SHTN1: variants seen among roughly 807,000 people sequenced by gnomAD.
SHTN1 encodes shootin-1.
In SHTN1, 42 loss-of-function variants were observed where a neutral mutation model predicts 83.1. The ratio of observed to expected loss-of-function variants is 0.51; its 90% confidence interval spans 0.39 to 0.65. SHTN1 has a LOEUF of 0.65. Among genes scored for constraint, SHTN1 ranks in the 30% least tolerant of loss-of-function variants. The pLI, the probability that SHTN1 is intolerant of heterozygous loss-of-function variation, is 0.00. For synonymous variants in SHTN1, 224 were observed against 247.7 expected (o/e 0.90, Z 0.90); for missense variants, 622 against 737.8 (o/e 0.84, Z 1.82).
At chr10:116,909,136 G>T (rs1218159119) in intron 14 of SHTN1, among the ~76,000 whole-genome samples, 3 of 152,174 alleles carry the variant, frequency 2.0e-5, no homozygotes, top group Non-Finnish European at 4.4e-5. Flanking sequence ...CAAATTCAGT[G>T]AGCCTCAGGG....
At chr10:116,968,525 T>C (rs1327451237) in intron 3 of SHTN1, 127 bp downstream of exon 3, 5 of 618,432 alleles carry the variant, frequency 8.1e-6, no homozygotes, top group Non-Finnish European at 1.4e-5. Context: ...TTTGGACAAA[T>C]AGAAAGAAGT....
At chr10:116,907,084 A>G (rs1412395282) in intron 14 of SHTN1, among the ~76,000 whole-genome samples, 1 of 152,078 alleles carries the variant, frequency 6.6e-6, no homozygotes, top group Admixed American at 6.5e-5. Context: ...CTGGGTGGAG[A>G]AGAGAATTGA....
intron 1 of SHTN1, among the ~76,000 whole-genome samples, chr10:117,107,885 G>A (rs1853695729): frequency 6.6e-6 from 1 of 152,176 alleles, no homozygotes; most frequent in Admixed American, 6.5e-5. Flanking sequence ...GAGTGCAGTG[G>A]TGTGATCACA....
chr10:117,042,097 A>C (rs776849287), intron 2 of SHTN1, among the ~76,000 whole-genome samples: 1 of 152,198 alleles, frequency 6.6e-6, no homozygotes, highest in Non-Finnish European at 1.5e-5. Flanking sequence ...AAGGGAAAGC[A>C]AAAGTGCATT....
chr10:116,963,040 T>G (rs1383572752), intron 3 of SHTN1, among the ~76,000 whole-genome samples: 9 of 6,480 alleles, frequency 1.4e-3, no homozygotes, highest in Non-Finnish European at 2.5e-3. Context: ...TAAAAGTTTT[T>G]TTTTTTTTTT....
intron 1 of SHTN1, among the ~76,000 whole-genome samples, chr10:117,053,462 G>T (rs1044542194): frequency 1.3e-5 from 2 of 152,112 alleles, no homozygotes; most frequent in African/African-American, 4.8e-5. Flanking sequence ...GACTTGAATA[G>T]ATGTTTCTCC....
chr10:116,996,179 A>G (rs1851620136), intron 1 of SHTN1, among the ~76,000 whole-genome samples: 2 of 152,190 alleles, frequency 1.3e-5, no homozygotes, highest in African/African-American at 2.4e-5. Flanking sequence ...ATATTTTCAG[A>G]AAAATAATAG....
intron 2 of SHTN1, among the ~76,000 whole-genome samples, chr10:117,011,496 C>A (rs1852102837): frequency 6.6e-6 from 1 of 152,090 alleles, no homozygotes; most frequent in Admixed American, 6.6e-5. Flanking sequence ...TCATAGATGG[C>A]AAAATTTCCT....
At chr10:117,022,839 T>TGAAGG (rs1852283238) in intron 2 of SHTN1, among the ~76,000 whole-genome samples, 1 of 152,112 alleles carries the variant, frequency 6.6e-6, no homozygotes, top group African/African-American at 2.4e-5. Flanking sequence ...GAGAATCACT[T>TGAAGG]GAAGGGAAGG....
intron 1 of SHTN1, among the ~76,000 whole-genome samples, chr10:116,994,337 G>A (rs1001325860): frequency 1.3e-5 from 2 of 152,048 alleles, no homozygotes; most frequent in Admixed American, 6.6e-5. Context: ...GTCTTGTATG[G>A]TTAAACTAAC....
At chr10:117,016,438 G>A (rs888383674) in intron 2 of SHTN1, among the ~76,000 whole-genome samples, 9 of 152,114 alleles carry the variant, frequency 5.9e-5, no homozygotes, top group South Asian at 2.1e-4. Flanking sequence ...ACTGAGTCTC[G>A]CTCTGTCACC....
Position 116,967,615 on chromosome 10 carries a change from T to A in SHTN1, c.172+1037A>T, listed in dbSNP as rs537672374. 7.3e-4 allele frequency among the ~76,000 whole-genome samples: 111 copies of A among 152,186 alleles called. 2 individuals are homozygous for A. In the South Asian group the frequency reaches 0.022, roughly 30 times the overall value. On this transcript the variant is annotated intron_variant, in intron 3 of 16. Transcript: ENST00000355371. ...TTACTTATTTTCTTTTGTAGTAACA[T>A]CACGTAACGTAAGATCTACCCTCTT... is the stretch of plus-strand genomic sequence containing the variant.
Position 117,002,176 on chromosome 10 carries a change from C to A in SHTN1, c.58+2846G>T, listed in dbSNP as rs369890260. Among the ~76,000 whole-genome samples the A allele has an allele frequency of 3.3e-5, 5 of 152,234 alleles. No homozygotes were observed. In the South Asian group the frequency reaches 1.0e-3, roughly 32 times the overall value. ...TGTCTAGCAAAAGTAAATGTCCGTG[C>A]CCTCTAATCCAACAATTCCATTTCT... On this transcript the variant is annotated intron_variant, in intron 1 of 16. Coordinates refer to ENST00000355371, the MANE Select transcript of SHTN1 (RefSeq NM_001127211.3).
chr10:116,995,405 C>T (rs1851593341), intron 1 of SHTN1, among the ~76,000 whole-genome samples: 1 of 152,128 alleles, frequency 6.6e-6, no homozygotes, highest in African/African-American at 2.4e-5. Flanking sequence ...TGATGAGGGA[C>T]TGTGATTTTT....
intron 1 of SHTN1, among the ~76,000 whole-genome samples, chr10:117,094,070 C>T (rs1226624525): frequency 2.0e-5 from 3 of 152,132 alleles, no homozygotes; most frequent in Non-Finnish European, 4.4e-5. Flanking sequence ...GCATCACAGA[C>T]CATAAACAAA....
At chr10:117,102,933 C>T (rs1206823765) in intron 1 of SHTN1, among the ~76,000 whole-genome samples, 14 of 152,156 alleles carry the variant, frequency 9.2e-5, no homozygotes, top group Admixed American at 4.6e-4. Context: ...GGCAAAGACA[C>T]GAGTGCTCCA....
chr10:116,979,546 G>A (rs901549482), intron 1 of SHTN1, among the ~76,000 whole-genome samples: 14 of 152,152 alleles, frequency 9.2e-5, no homozygotes, highest in African/African-American at 3.1e-4. Flanking sequence ...CCTTGGCCTC[G>A]CAAAGTGCGA....
intron 2 of SHTN1, among the ~76,000 whole-genome samples, chr10:117,014,810 A>T (rs1852157630): frequency 6.6e-6 from 1 of 152,222 alleles, no homozygotes; most frequent in Admixed American, 6.5e-5. Flanking sequence ...CTAATTTTAA[A>T]ATAGTACCAT....
At chr10:117,117,763 A>G (rs1853869109) in intron 1 of SHTN1, among the ~76,000 whole-genome samples, 1 of 152,208 alleles carries the variant, frequency 6.6e-6, no homozygotes, top group South Asian at 2.1e-4. Flanking sequence ...CTCATCTTTG[A>G]CAAAGGTGCC....
Sources: gnomAD v4.1 joint callset for allele counts (sites outside exome capture counted in the v4.1 genomes callset) on GRCh38, gnomAD v4.1.1 for gene constraint, MANE v1.5 for transcripts, NCBI Gene and HGNC (gene_info 2026-07-23, HGNC 2026-07-21) for gene names.